Variants in RALGPS1 observed in about 807,000 individuals in gnomAD.
The protein encoded by RALGPS1 is Ral GEF with PH domain and SH3 binding motif 1, also known as ras-specific guanine nucleotide-releasing factor RalGPS1.
In RALGPS1, 19 loss-of-function variants were observed where a neutral mutation model predicts 78.8. The ratio of observed to expected loss-of-function variants is 0.24; its 90% confidence interval spans 0.17 to 0.35. The LOEUF is 0.35. Ranked by LOEUF, RALGPS1 falls within the 10% of genes least tolerant of loss-of-function variation. The probability of loss-of-function intolerance (pLI) is 1.00; values close to 1 mark genes in which losing one functional copy is unlikely to be tolerated. For missense variants in RALGPS1, 454 were observed against 688.3 expected, an observed-to-expected ratio of 0.66 and a Z score of 3.81; for synonymous variants, 228 against 256.3, an observed-to-expected ratio of 0.89 and a Z score of 1.06.
chr9:127,005,761 A>G (rs757785463), intron 4 of RALGPS1, among the ~76,000 whole-genome samples: 4 of 152,182 alleles, frequency 2.6e-5, no homozygotes, highest in Non-Finnish European at 5.9e-5. Context: ...GGCTTACTTA[A>G]CCAGATATTT....
At chr9:127,066,165 G>A (rs1214025552) in intron 7 of RALGPS1, among the ~76,000 whole-genome samples, 1 of 152,216 alleles carries the variant, frequency 6.6e-6, no homozygotes, top group Non-Finnish European at 1.5e-5. Flanking sequence ...CAGTCCCCCA[G>A]CTGAGACCAG....
chr9:126,994,280 A>G (rs1262557518), intron 4 of RALGPS1, among the ~76,000 whole-genome samples: 2 of 34,204 alleles, frequency 5.8e-5, no homozygotes, highest in Non-Finnish European at 3.9e-4. Context: ...AAAAGCTTTG[A>G]AAAAAAAATT....
At chr9:127,036,259 T>C (rs1236517845) in intron 5 of RALGPS1, among the ~76,000 whole-genome samples, 1 of 152,218 alleles carries the variant, frequency 6.6e-6, no homozygotes, top group African/African-American at 2.4e-5. Context: ...GTAGCTCTGG[T>C]TTGAAAATTG....
chr9:127,088,900 C>T (rs373397251), intron 8 of RALGPS1: 1 of 1,613,152 alleles, frequency 6.2e-7, no homozygotes, highest in Non-Finnish European at 8.5e-7. Flanking sequence ...AGGGTGGGCT[C>T]CTGGCAATGG....
rs1225063536 is a variant in RALGPS1 at position 127,205,917 on chromosome 9, G to A, written c.1248-6214G>A. On this transcript the variant is annotated intron_variant, in intron 14 of 18. Coordinates refer to ENST00000259351, the MANE Select transcript of RALGPS1 (RefSeq NM_014636.3). The surrounding 1 kb of genome is among the most constrained non-coding windows in gnomAD (Gnocchi z 4.0). ...GTCCACTTAGCTGTCAGAAGGATGG[G>A]GACATACAGTACAAATGTGGTTCCT... 6.6e-6 allele frequency among the ~76,000 whole-genome samples: 1 copy of A among 152,202 alleles called. No homozygotes were observed. Among genetic ancestry groups the A allele is most frequent in the Non-Finnish European group, 1.5e-5 (1 of 68,042 alleles).
intron 7 of RALGPS1, among the ~76,000 whole-genome samples, chr9:127,053,893 G>A (rs1453453947): frequency 1.3e-5 from 2 of 152,212 alleles, no homozygotes; most frequent in Admixed American, 6.5e-5. Context: ...AACTGGGTTT[G>A]CATTCAGGTG....
At chr9:127,087,436 C>T (rs1207465831) in intron 8 of RALGPS1, 1 of 152,600 alleles carries the variant, frequency 6.6e-6, no homozygotes, top group Non-Finnish European at 1.5e-5. Context: ...TTTATATACA[C>T]AAAACATGCT....
Position 127,122,296 on chromosome 9 carries a change from C to T in RALGPS1, c.611-43773C>T, listed in dbSNP as rs1421532586. 2 of 152,394 alleles carry T rather than the reference C, an allele frequency of 1.3e-5. No homozygotes were observed. Among genetic ancestry groups the T allele is most frequent in the African/African-American group, 2.4e-5 (1 of 41,472 alleles). 9.4% of individuals were successfully genotyped at this position (152,394 alleles called of 1,614,324 possible). A position where few individuals can be genotyped will look rare whatever the true frequency, so the allele number is the denominator to read the frequency against. On this transcript the variant is annotated intron_variant, in intron 8 of 18. Transcript: ENST00000259351. The surrounding 1 kb of genome is among the most constrained non-coding windows in gnomAD (Gnocchi z 6.4). ...GCCTCTCGCCCCTGCCTCTCATGGC[C>T]GCAGAGCTGGCCCCTTACCTCTTCC...
At chr9:127,030,886 T>C (rs1302478550) in intron 4 of RALGPS1, among the ~76,000 whole-genome samples, 1 of 152,134 alleles carries the variant, frequency 6.6e-6, no homozygotes, top group Admixed American at 6.5e-5. Context: ...TTTCTTCTCA[T>C]AGCATCTGTT....
chr9:127,165,457 A>G (rs548432917), intron 8 of RALGPS1, among the ~76,000 whole-genome samples: 2 of 152,364 alleles, frequency 1.3e-5, no homozygotes, highest in East Asian at 3.9e-4. Flanking sequence ...AGCTTTGCAG[A>G]CTACATGTTA....
intron 8 of RALGPS1, among the ~76,000 whole-genome samples, chr9:127,125,937 C>A (rs928931803): frequency 3.9e-5 from 6 of 152,018 alleles, no homozygotes; most frequent in Non-Finnish European, 5.9e-5. Context: ...CTGACAGTTG[C>A]AGGTTTTTTT....
chr9:127,187,023 G>A (rs1187333404), intron 11 of RALGPS1, among the ~76,000 whole-genome samples: 5 of 152,196 alleles, frequency 3.3e-5, no homozygotes, highest in African/African-American at 1.2e-4. Flanking sequence ...AGGAAGGGCC[G>A]AAGAAGTTAC....
intron 8 of RALGPS1, among the ~76,000 whole-genome samples, chr9:127,157,841 A>G (rs772782614): frequency 5.3e-5 from 8 of 152,116 alleles, no homozygotes; most frequent in Non-Finnish European, 1.2e-4. Flanking sequence ...TTGCTTTATC[A>G]CATTCAGCAT....
chr9:127,037,258 G>A (rs1406066724), intron 5 of RALGPS1, among the ~76,000 whole-genome samples: 1 of 152,232 alleles, frequency 6.6e-6, no homozygotes, highest in Non-Finnish European at 1.5e-5. Context: ...TATGTGCAAG[G>A]TTGGCCTTGT....
chr9:127,107,861 A>G (rs2054369560), intron 8 of RALGPS1: 9 of 1,491,222 alleles, frequency 6.0e-6, no homozygotes, highest in Non-Finnish European at 8.1e-6. Context: ...AGCCAAGGGA[A>G]GCCTGGTGCC....
rs145649546 is a variant in RALGPS1 at position 127,084,332 on chromosome 9, G to A, written c.610+14976G>A. 4.4e-3 allele frequency among the ~76,000 whole-genome samples: 664 copies of A among 152,238 alleles called. 3 individuals are homozygous for A. The highest frequency in any genetic ancestry group is 0.015 in the African/African-American group (629 of 41,542). ...AGGGGAGGAAGAAGGGAGAGAGAAC[G>A]GCCCATCTTTCATAGCTGTTGGTAA... On this transcript the variant is annotated intron_variant, in intron 8 of 18. Coordinates refer to ENST00000259351, the MANE Select transcript of RALGPS1 (RefSeq NM_014636.3).
intron 10 of RALGPS1, among the ~76,000 whole-genome samples, chr9:127,172,757 T>A (rs1454624790): frequency 2.0e-5 from 3 of 152,198 alleles, no homozygotes; most frequent in African/African-American, 7.2e-5. Context: ...CATCTCATTT[T>A]TCGGGTTTTG....
chr9:127,209,491 C>T, intron 14 of RALGPS1, among the ~76,000 whole-genome samples: 1 of 152,226 alleles, frequency 6.6e-6, no homozygotes, highest in South Asian at 2.1e-4. Context: ...GTCTGTGCTA[C>T]AGCTCAGTAT....
In RALGPS1 at chr9:127,218,866, T is replaced by G; in HGVS notation, c.*97T>G. ...CCTGGGCACAGGCTGTGAGCCAGGG[T>G]GCTGGGAAACTCACAGCTGGACTCA... On this transcript the variant is annotated 3_prime_UTR_variant, in exon 19 of 19. Coordinates refer to ENST00000259351, the MANE Select transcript of RALGPS1 (RefSeq NM_014636.3). The surrounding 1 kb of genome is among the most constrained non-coding windows in gnomAD (Gnocchi z 4.4). 7 of 1,414,522 alleles carry G rather than the reference T, an allele frequency of 4.9e-6. No individual in the cohort carries two copies. Among genetic ancestry groups the G allele is most frequent in the Non-Finnish European group, 7.0e-6 (7 of 999,632 alleles). 87.6% of individuals were successfully genotyped at this position (1,414,522 alleles called of 1,614,324 possible). A position where few individuals can be genotyped will look rare whatever the true frequency, so the allele number is the denominator to read the frequency against.
Sources: allele counts gnomAD v4.1 joint callset (sites outside exome capture counted in the v4.1 genomes callset), GRCh38; gene constraint gnomAD v4.1.1; non-coding constraint Gnocchi (gnomAD v3.1); transcripts MANE v1.5; gene names NCBI Gene and HGNC (gene_info 2026-07-23, HGNC 2026-07-21).